Variants in ZC3H12D observed in about 807,000 individuals in gnomAD.
ZC3H12D encodes the protein probable ribonuclease ZC3H12D.
ZC3H12D carries 11 observed loss-of-function variants against 24.2 expected under a neutral mutation model. The observed-to-expected ratio is 0.46, with a 90% CI of 0.29 to 0.75. The LOEUF (loss-of-function observed/expected upper bound fraction) is 0.75, where lower values mean the gene tolerates loss of function less well. Among genes scored for constraint, ZC3H12D ranks in the 30% least tolerant of loss-of-function variants. ZC3H12D has a pLI of 0.11. For missense variants in ZC3H12D, 740 were observed against 767.7 expected (o/e 0.96, Z 0.43); for synonymous variants, 333 against 341.8 (o/e 0.97, Z 0.28).
intron 1 of ZC3H12D, among the ~76,000 whole-genome samples, chr6:149,481,707 T>TCAAAAAAA (rs1776428046): frequency 6.7e-6 from 1 of 148,720 alleles, no homozygotes; most frequent in Non-Finnish European, 1.5e-5. Flanking sequence ...GCCTTCCCGT[T>TCAAAAAAA]ACACCTGGTG....
At chr6:149,475,715 CA>C (rs11462349) in intron 1 of ZC3H12D, among the ~76,000 whole-genome samples, 35 of 142,504 alleles carry the variant, frequency 2.5e-4, no homozygotes, top group Admixed American at 3.4e-4. Context: ...AACTCCGTCT[CA>C]AAAAAAAAAA....
Position 149,456,628 on chromosome 6 carries a change from G to GGGGGGAGGGC in ZC3H12D, c.680+37_680+38insGCCCTCCCCC. 1.3e-6 allele frequency: 1 copy of GGGGGGAGGGC among 787,342 alleles called. No homozygotes were observed. The highest frequency in any genetic ancestry group is 2.0e-6 in the Non-Finnish European group (1 of 491,390). The allele number at this position is 787,342 out of a possible 1,614,324, so 48.8% of individuals were successfully genotyped here. A position where few individuals can be genotyped will look rare whatever the true frequency, so the allele number is the denominator to read the frequency against. The stretch of plus-strand genomic sequence containing the variant: ...TGCCTCGACCCCGGCCCCCCGCCCC[G>GGGGGGAGGGC]CCGCCCCCCAGGGTGTCAGGACCCC... On this transcript the variant is annotated intron_variant, in intron 4 of 5. Coordinates refer to ENST00000409806, the MANE Select transcript of ZC3H12D (RefSeq NM_207360.3). The surrounding 1 kb of genome is among the most constrained non-coding windows in gnomAD (Gnocchi z 4.3).
chr6:149,456,722 G>A lies in ZC3H12D; in HGVS notation c.624C>T (p.Pro208=). 1 of 1,613,640 alleles carries A rather than the reference G, an allele frequency of 6.2e-7. No individual in the cohort carries two copies. Among genetic ancestry groups the A allele is most frequent in the Non-Finnish European group, 8.5e-7 (1 of 1,179,698 alleles). The change falls in exon 4 of 6, where the codon CCC becomes CCT. Residue 208 remains proline, a synonymous_variant. Transcript: ENST00000409806. This position sits in a 1 kb window ranked among gnomAD's most constrained non-coding sequence, Gnocchi z 4.3. ...DNYRDLQSEN[P]EWKWFIEQRL... is the part of the protein sequence containing the mutation. ...TCTGCTCGATGAACCACTTCCACTC[G>A]GGGTTCTCGCTCTGCAGGTCCCGGT...
At position 149,473,560 on chromosome 6, in the gene ZC3H12D, G is replaced by A. The variant is rs575468281; in HGVS notation, c.305+679C>T. The stretch of plus-strand genomic sequence containing the variant: ...AAGACAGGCAGATAACAACTCGGGC[G>A]TGAGGCTGGCATTCCCAAAACCCAC... On this transcript the variant is annotated intron_variant, in intron 2 of 5. Transcript: ENST00000409806. 3.9e-5 allele frequency among the ~76,000 whole-genome samples: 6 copies of A among 152,292 alleles called. No homozygotes were observed. The East Asian group carries it at 7.7e-4, about 20-fold the overall frequency.
chr6:149,466,833 G>T (rs1776170348), intron 2 of ZC3H12D, among the ~76,000 whole-genome samples: 1 of 151,788 alleles, frequency 6.6e-6, no homozygotes, highest in African/African-American at 2.4e-5. Flanking sequence ...CCGAGATCAA[G>T]CCACTGCATT....
chr6:149,447,108 A>G lies in ZC3H12D; in HGVS notation c.*3575T>C, dbSNP rs1775790546. 6.6e-6 allele frequency: 1 copy of G among 152,296 alleles called. No individual in the cohort carries two copies. The highest frequency in any genetic ancestry group is 2.1e-4 in the South Asian group (1 of 4,838). 9.4% of individuals were successfully genotyped at this position (152,296 alleles called of 1,614,324 possible). A position where few individuals can be genotyped will look rare whatever the true frequency, so the allele number is the denominator to read the frequency against. On this transcript the variant is annotated 3_prime_UTR_variant, in exon 6 of 6. Coordinates refer to ENST00000409806, the MANE Select transcript of ZC3H12D (RefSeq NM_207360.3). ...CTTGGGAACTGCCTGCTGCACATCCAGCAAAGGGAGGTCCTTGCCATGGCC... is the reference window on the plus strand; with the variant it reads ...CTTGGGAACTGCCTGCTGCACATCCGGCAAAGGGAGGTCCTTGCCATGGCC...
intron 1 of ZC3H12D, among the ~76,000 whole-genome samples, chr6:149,475,048 T>C (rs974288758): frequency 6.6e-6 from 1 of 152,196 alleles, no homozygotes; most frequent in Non-Finnish European, 1.5e-5. Context: ...TAATCCAATA[T>C]GACTGGTGTC....
Position 149,450,702 on chromosome 6 carries a change from GC to G in ZC3H12D, c.1564del (p.Ala522ArgfsTer35). ...GGTCCCTTAGGGCTTGCCCAGGGGC[GC>G]CCCCGCGCTCTGGCATCTCTGTACC... ...LLVQRCQSAG[A>X]PLGKP is the part of the protein sequence containing the mutation. On this transcript the variant is annotated frameshift_variant, in exon 6 of 6. Coordinates refer to ENST00000409806, the MANE Select transcript of ZC3H12D (RefSeq NM_207360.3). LOFTEE classifies it high-confidence loss of function. 2.6e-6 allele frequency: 4 copies of G among 1,533,572 alleles called. No individual in the cohort carries two copies. The allele number at this position is 1,533,572 out of a possible 1,614,324, so 95.0% of individuals were successfully genotyped here. A position where few individuals can be genotyped will look rare whatever the true frequency, so the allele number is the denominator to read the frequency against.
chr6:149,450,740 C>A lies in ZC3H12D; in HGVS notation c.1527G>T (p.Arg509Ser). The change falls in exon 6 of 6, where the codon AGG becomes AGT. Residue 509 changes from arginine to serine, a missense_variant. Physicochemically the swap from Arg to Ser is moderately radical, Grantham distance 110. Coordinates refer to ENST00000409806, the MANE Select transcript of ZC3H12D (RefSeq NM_207360.3). ...GGCATCTCTGTACCAGGAGGATGAG[C>A]CTGGCGAGGTCTGAGAGCTCCGGGA... is the stretch of plus-strand genomic sequence containing the variant. ...AAFPELSDLA[R>S]LILLVQRCQS... 6.5e-7 allele frequency: 1 copy of A among 1,548,654 alleles called. No individual in the cohort carries two copies. The highest frequency in any genetic ancestry group is 1.2e-5 in the South Asian group (1 of 83,940).
chr6:149,459,070 T>G (rs12213913), intron 3 of ZC3H12D, among the ~76,000 whole-genome samples: 3,505 of 152,154 alleles, frequency 0.023, 62 homozygotes, highest in Non-Finnish European at 0.036. Context: ...GTCTTTCCAC[T>G]TTTTTGTTTT....
In ZC3H12D at chr6:149,456,282, A is replaced by ATAAAT. The variant is rs1348096579; in HGVS notation, c.680+383_680+384insATTTA. On this transcript the variant is annotated intron_variant, in intron 4 of 5. Coordinates refer to ENST00000409806, the MANE Select transcript of ZC3H12D (RefSeq NM_207360.3). This position sits in a 1 kb window ranked among gnomAD's most constrained non-coding sequence, Gnocchi z 4.3. ...ATAAAATAAAATAAAATAAAATAAAATAAGACAAAAACCTGAAATAAGTGA... is the reference window on the plus strand; with the variant it reads ...ATAAAATAAAATAAAATAAAATAAAATAAATTAAGACAAAAACCTGAAATAAGTGA... 6.6e-6 allele frequency among the ~76,000 whole-genome samples: 1 copy of ATAAAT among 152,102 alleles called. No homozygotes were observed. Among genetic ancestry groups the ATAAAT allele is most frequent in the Non-Finnish European group, 1.5e-5 (1 of 68,014 alleles).
At chr6:149,479,761 C>G (rs1263838984) in intron 1 of ZC3H12D, among the ~76,000 whole-genome samples, 2 of 152,144 alleles carry the variant, frequency 1.3e-5, no homozygotes, top group Non-Finnish European at 2.9e-5. Flanking sequence ...TGGACTTGAA[C>G]TCCTGGGCTC....
Position 149,450,931 on chromosome 6 carries a change from A to G in ZC3H12D, c.1336T>C (p.Phe446Leu). The stretch of plus-strand genomic sequence containing the variant: ...TCCGCCCAGACGGAGCGCCCAGGGA[A>G]GCGGTCGGAGCGGGGTGGACGGGCC... ...PWARPPRSDRFPGRSVWAEPA... is the reference protein window; with the variant it reads ...PWARPPRSDRLPGRSVWAEPA... Residue 446 changes from phenylalanine to leucine, a missense_variant, in exon 6 of 6, where the codon TTC (phenylalanine) becomes CTC (leucine). By Grantham distance (22) the Phe-to-Leu change is conservative. Coordinates refer to ENST00000409806, the MANE Select transcript of ZC3H12D (RefSeq NM_207360.3). 5.2e-6 allele frequency: 8 copies of G among 1,539,418 alleles called. 1 individual carries two copies. The highest frequency in any genetic ancestry group is 1.7e-4 in the Middle Eastern group (1 of 5,802).
intron 2 of ZC3H12D, among the ~76,000 whole-genome samples, chr6:149,466,547 T>G (rs1776165890): frequency 6.6e-6 from 1 of 151,592 alleles, no homozygotes; most frequent in South Asian, 2.1e-4. Context: ...CCTCAGTTAA[T>G]TCTCAAGGGA....
chr6:149,465,772 G>A (rs78661353), intron 2 of ZC3H12D, among the ~76,000 whole-genome samples: 3,058 of 151,534 alleles, frequency 0.02, 80 homozygotes, highest in South Asian at 0.11. Context: ...AAAAAGGGGG[G>A]GGGAAGAGGA....
At chr6:149,467,886 T>A (rs142242938) in intron 2 of ZC3H12D, among the ~76,000 whole-genome samples, 5 of 152,304 alleles carry the variant, frequency 3.3e-5, no homozygotes, top group African/African-American at 1.2e-4. Context: ...AGGCACCTCA[T>A]GCCCTTATTA....
chr6:149,451,552 T>A, intron 5 of ZC3H12D, 73 bp from the exon 6 acceptor site: 4 of 1,324,438 alleles, frequency 3.0e-6, no homozygotes, highest in Non-Finnish European at 4.0e-6. Flanking sequence ...TCCTGGTGCA[T>A]CCGGGGAGTG....
intron 2 of ZC3H12D, among the ~76,000 whole-genome samples, chr6:149,464,146 G>A (rs1048712505): frequency 1.1e-4 from 17 of 152,144 alleles, no homozygotes; most frequent in African/African-American, 2.7e-4. Context: ...CTGCGACTTC[G>A]CAGCTGGTTA....
chr6:149,469,952 G>A (rs899085734), intron 2 of ZC3H12D, among the ~76,000 whole-genome samples: 1 of 152,146 alleles, frequency 6.6e-6, no homozygotes, highest in African/African-American at 2.4e-5. Context: ...TGTCTGGGGG[G>A]AACATGGGGC....
Sources: allele counts gnomAD v4.1 joint callset (sites outside exome capture counted in the v4.1 genomes callset), GRCh38; gene constraint gnomAD v4.1.1; non-coding constraint Gnocchi (gnomAD v3.1); transcripts MANE v1.5; gene names NCBI Gene and HGNC (gene_info 2026-07-23, HGNC 2026-07-21).